Variants in TBCD observed in about 807,000 individuals in gnomAD.
TBCD encodes tubulin-specific chaperone D.
A neutral mutation model predicts 169.3 loss-of-function variants in TBCD; 105 were observed. The ratio of observed to expected loss-of-function variants is 0.62; its 90% CI spans 0.53 to 0.73. The LOEUF (loss-of-function observed/expected upper bound fraction) is 0.73. TBCD is among the 30% of genes least tolerant of loss of function. The pLI is 0.00. For synonymous variants in TBCD, 700 were observed against 643.9 expected (o/e 1.09, Z -1.32); for missense variants, 1,444 against 1,600.1 (o/e 0.90, Z 1.66).
chr17:82,941,385 C>A lies in TBCD; in HGVS notation c.3480-14C>A. ...GGGCACTCGAGAGACTCACGGCTCT[C>A]CCTCTCCTCACAGGGACGCGGAGCT... On this transcript the variant is annotated splice_polypyrimidine_tract_variant and intron_variant, in intron 37 of 38. Coordinates refer to ENST00000355528, the MANE Select transcript of TBCD (RefSeq NM_005993.5). 4.4e-6 allele frequency: 7 copies of A among 1,577,570 alleles called. No homozygotes were observed. The highest frequency in any genetic ancestry group is 6.0e-6 in the Non-Finnish European group (7 of 1,167,436).
chr17:82,803,307 G>A (rs902843559), intron 9 of TBCD, among the ~76,000 whole-genome samples: 5 of 152,302 alleles, frequency 3.3e-5, no homozygotes, highest in African/African-American at 9.6e-5. Context: ...TGAAAGTCAC[G>A]GCTTTCTCTC....
chr17:82,911,550 A>G (rs1294574531), intron 22 of TBCD, among the ~76,000 whole-genome samples: 1 of 151,960 alleles, frequency 6.6e-6, no homozygotes, highest in East Asian at 1.9e-4. Context: ...AATCAGCATC[A>G]CCCCAGCTAG....
intron 13 of TBCD, among the ~76,000 whole-genome samples, chr17:82,827,501 G>C (rs538568556): frequency 1.5e-4 from 23 of 152,314 alleles, no homozygotes; most frequent in Admixed American, 1.1e-3. Flanking sequence ...CCCCATGGAT[G>C]GCCATTGAGT....
intron 13 of TBCD, among the ~76,000 whole-genome samples, chr17:82,853,579 T>A (rs1260684753): frequency 6.6e-6 from 1 of 151,944 alleles, no homozygotes; most frequent in Admixed American, 6.6e-5. Flanking sequence ...ATTTTTTCTT[T>A]TTTTTTTTGT....
At position 82,899,357 on chromosome 17, in the gene TBCD, G is replaced by T. The variant is rs542172782; in HGVS notation, c.1650-1294G>T. Among the ~76,000 whole-genome samples the T allele has an allele frequency of 2.1e-4, 18 of 84,448 alleles. 1 individual carries two copies. The South Asian group carries it at 2.2e-3, about 10-fold the overall frequency. The allele number at this position is 84,448 out of a possible 152,430, so 55.4% of individuals were successfully genotyped here. Reference sequence around the variant, plus strand: ...CAGCTCGTGTCCTCAGTGCGTGTCCGCAGTGCGTCCTCAGCGCACGTGTCC... The same window carrying T: ...CAGCTCGTGTCCTCAGTGCGTGTCCTCAGTGCGTCCTCAGCGCACGTGTCC... On this transcript the variant is annotated intron_variant, in intron 17 of 38. Transcript: ENST00000355528.
In TBCD at chr17:82,893,601, G is replaced by A. The variant is rs774626621; in HGVS notation, c.1618G>A (p.Gly540Ser). 4.3e-5 allele frequency: 69 copies of A among 1,611,102 alleles called. 1 individual carries two copies. The Middle Eastern group carries it at 1.8e-3, about 42-fold the overall frequency. The change falls in exon 17 of 39, where the codon GGT becomes AGT. Residue 540 changes from glycine to serine, a missense_variant. Gly to Ser is a moderately conservative substitution (Grantham distance 56, BLOSUM62 0). Transcript: ENST00000355528. ...GACCACAGCTGACTATTTTGCCGTC[G>A]GTAACAGATCCAACTGTTTCCTGGT... Reference protein sequence around the residue: ...ILTTADYFAVGNRSNCFLVIS... With the variant: ...ILTTADYFAVSNRSNCFLVIS...
rs145548110 is a variant in TBCD at position 82,753,138 on chromosome 17, C to T, written c.184+761C>T. Among the ~76,000 whole-genome samples the T allele has an allele frequency of 1.1e-4, 16 of 152,156 alleles. No individual in the cohort carries two copies. In the East Asian group the frequency reaches 2.5e-3, roughly 24 times the overall value. On this transcript the variant is annotated intron_variant, in intron 1 of 38. Coordinates refer to ENST00000355528, the MANE Select transcript of TBCD (RefSeq NM_005993.5). ...ATTCAGTAAAATCATCTTTGTAGAC[C>T]CTTTGAGTAAGAAGAACTTTTGCAT...
chr17:82,812,030 G>A (rs542406160), intron 12 of TBCD, among the ~76,000 whole-genome samples: 3 of 152,264 alleles, frequency 2.0e-5, no homozygotes, highest in South Asian at 2.1e-4. Context: ...TCCCCCAAGC[G>A]TGCACGACTC....
At chr17:82,939,333 T>C in intron 36 of TBCD, 34 bp from the exon 37 acceptor site, 1 of 1,568,308 alleles carries the variant, frequency 6.4e-7, no homozygotes. Context: ...CGGTGGCGCT[T>C]CCCTCCGGCA....
At chr17:82,891,834 C>G (rs1338913492) in intron 16 of TBCD, among the ~76,000 whole-genome samples, 3 of 152,182 alleles carry the variant, frequency 2.0e-5, no homozygotes, top group Admixed American at 6.5e-5. Flanking sequence ...GTTGGAGACT[C>G]TGGTCCTGAG....
Position 82,942,525 on chromosome 17 carries a change from G to A in TBCD, c.*62G>A. 6.2e-7 allele frequency: 1 copy of A among 1,612,252 alleles called. No individual in the cohort carries two copies. Among genetic ancestry groups the A allele is most frequent in the Non-Finnish European group, 8.5e-7 (1 of 1,178,634 alleles). The stretch of plus-strand genomic sequence containing the variant: ...TGAGGATGTCTTGTTCCTGAGGGAG[G>A]CCGGTGTGGAAAGCCTCGCACAGTG... On this transcript the variant is annotated 3_prime_UTR_variant, in exon 39 of 39. Coordinates refer to ENST00000355528, the MANE Select transcript of TBCD (RefSeq NM_005993.5).
chr17:82,871,275 C>T (rs546047583), intron 14 of TBCD, among the ~76,000 whole-genome samples: 5 of 152,288 alleles, frequency 3.3e-5, no homozygotes, highest in Middle Eastern at 3.4e-3. Context: ...TCAATTCAAC[C>T]GTGTGCGCTG....
At chr17:82,787,303 T>A (rs1183221378) in intron 7 of TBCD, among the ~76,000 whole-genome samples, 2 of 152,214 alleles carry the variant, frequency 1.3e-5, no homozygotes, top group African/African-American at 4.8e-5. Flanking sequence ...CGCAGCCGGC[T>A]GAAATCCCTG....
intron 17 of TBCD, among the ~76,000 whole-genome samples, chr17:82,899,946 A>AT (rs1415105668): frequency 6.6e-6 from 1 of 152,034 alleles, no homozygotes; most frequent in Non-Finnish European, 1.5e-5. Flanking sequence ...TTTTGTATCA[A>AT]TTTTTTGTTT....
chr17:82,768,651 G>A, intron 5 of TBCD, 85 bp downstream of exon 5: 1 of 1,462,426 alleles, frequency 6.8e-7, no homozygotes, highest in Non-Finnish European at 9.3e-7. Context: ...TACTCGGTAA[G>A]CTTCTGATAT....
chr17:82,780,486 A>G (rs761133925), intron 6 of TBCD, among the ~76,000 whole-genome samples: 5 of 151,834 alleles, frequency 3.3e-5, no homozygotes, highest in East Asian at 2.0e-4. Context: ...TTAGCTGGGC[A>G]TGGTGGCGTG....
intron 9 of TBCD, 113 bp from the exon 10 acceptor site, chr17:82,805,762 A>G (rs2050915137): frequency 1.0e-5 from 13 of 1,303,044 alleles, no homozygotes; most frequent in South Asian, 2.8e-5. Context: ...TGCAAAGTGC[A>G]TGGAATTTTC....
intron 15 of TBCD, among the ~76,000 whole-genome samples, chr17:82,888,994 G>A (rs977946508): frequency 6.6e-6 from 1 of 152,202 alleles, no homozygotes; most frequent in African/African-American, 2.4e-5. Context: ...CGGAGCCCGG[G>A]TGCTTTTGGG....
intron 8 of TBCD, 34 bp downstream of exon 8, chr17:82,797,836 G>C: frequency 6.6e-7 from 1 of 1,522,776 alleles, no homozygotes; most frequent in Non-Finnish European, 8.9e-7. Flanking sequence ...ATATCTTTGT[G>C]ATGTGAGTTT....
Sources: allele counts gnomAD v4.1 joint callset (sites outside exome capture counted in the v4.1 genomes callset), GRCh38; gene constraint gnomAD v4.1.1; transcripts MANE v1.5; gene names NCBI Gene and HGNC (gene_info 2026-07-23, HGNC 2026-07-21).